MDM1: variants seen among roughly 807,000 people sequenced by gnomAD.
MDM1 encodes Mdm1 nuclear protein.
Under a neutral mutation model 89.1 loss-of-function variants are expected in MDM1, and 61 were observed. The ratio of observed to expected loss-of-function variants is 0.68; its 90% CI spans 0.56 to 0.85. The LOEUF (loss-of-function observed/expected upper bound fraction) is 0.85. Among genes scored for constraint, MDM1 ranks in the 40% least tolerant of loss-of-function variants. The pLI is 0.00. For missense variants in MDM1, 820 were observed against 846.5 expected (o/e 0.97, Z 0.39); for synonymous variants, 290 against 294.1 (o/e 0.99, Z 0.14).
At chr12:68,320,341 G>C (rs1875049835) in intron 7 of MDM1, among the ~76,000 whole-genome samples, 1 of 152,182 alleles carries the variant, frequency 6.6e-6, no homozygotes, top group Non-Finnish European at 1.5e-5. Flanking sequence ...TTTGAGCTTT[G>C]TCTTTTACTT....
intron 12 of MDM1, among the ~76,000 whole-genome samples, chr12:68,303,177 A>T (rs1872452093): frequency 1.3e-5 from 2 of 152,188 alleles, no homozygotes; most frequent in African/African-American, 4.8e-5. Context: ...GAAAAATATA[A>T]ACCTAATTAA....
intron 12 of MDM1, among the ~76,000 whole-genome samples, chr12:68,313,175 G>A (rs1370796611): frequency 6.6e-6 from 1 of 152,150 alleles, no homozygotes; most frequent in Non-Finnish European, 1.5e-5. Context: ...GAATACAACT[G>A]TCACACAGCA....
Position 68,326,400 on chromosome 12 carries a change from G to T in MDM1, c.498+257C>A, listed in dbSNP as rs995761992. On this transcript the variant is annotated intron_variant, in intron 3 of 14. Coordinates refer to ENST00000682720, the MANE Select transcript of MDM1 (RefSeq NM_001354969.2). ...TAGGACTCAGGTGCTAATATATGAT[G>T]AATAAAATCCAGACGCAGGAGGTCC... The T allele has an allele frequency of 2.8e-6, 4 of 1,444,698 alleles. No homozygotes were observed. In the South Asian group the frequency reaches 4.6e-5, roughly 17 times the overall value. The allele number at this position is 1,444,698 out of a possible 1,614,324, so 89.5% of individuals were successfully genotyped here.
chr12:68,315,293 A>C, intron 9 of MDM1, 28 bp from the exon 10 acceptor site: 1 of 1,586,448 alleles, frequency 6.3e-7, no homozygotes, highest in Non-Finnish European at 8.6e-7. Flanking sequence ...TTTTATTTTA[A>C]ATGTGAATAG....
intron 7 of MDM1, among the ~76,000 whole-genome samples, chr12:68,320,052 T>G (rs1875010070): frequency 6.6e-6 from 1 of 152,202 alleles, no homozygotes; most frequent in Non-Finnish European, 1.5e-5. Context: ...TCTCATAACC[T>G]CAACCTAGTG....
chr12:68,310,055 C>T (rs1314541382), intron 12 of MDM1, among the ~76,000 whole-genome samples: 1 of 152,236 alleles, frequency 6.6e-6, no homozygotes, highest in African/African-American at 2.4e-5. Context: ...ACTCCAACCT[C>T]CACCTCCTGG....
intron 4 of MDM1, 155 bp downstream of exon 4, chr12:68,325,286 A>G: frequency 2.3e-6 from 3 of 1,330,050 alleles, no homozygotes; most frequent in Non-Finnish European, 2.9e-6. Context: ...ATCATAAGTA[A>G]TAGGATGATT....
In MDM1 at chr12:68,296,985, TAA is replaced by T. The variant is rs748277745; in HGVS notation, c.2003-5_2003-4del. Reference sequence around the variant, plus strand: ...ATTGTTCATCCTTGCTTTTCCCACTTAAAAAAAAAAAGGCAGAATAAATTATC... The same window carrying T: ...ATTGTTCATCCTTGCTTTTCCCACTTAAAAAAAAAGGCAGAATAAATTATC... On this transcript the variant is annotated splice_region_variant and splice_polypyrimidine_tract_variant and intron_variant, in intron 13 of 14. Transcript: ENST00000682720. The T allele has an allele frequency of 2.1e-4, 267 of 1,248,080 alleles. No homozygotes were observed. Among genetic ancestry groups the T allele is most frequent in the Admixed American group, 7.0e-4 (32 of 45,630 alleles). The allele number at this position is 1,248,080 out of a possible 1,614,324, so 77.3% of individuals were successfully genotyped here.
intron 12 of MDM1, among the ~76,000 whole-genome samples, chr12:68,312,355 T>A (rs1873810539): frequency 6.6e-6 from 1 of 152,216 alleles, no homozygotes; most frequent in South Asian, 2.1e-4. Context: ...GACTCCATCC[T>A]TATTGCTAAG....
intron 12 of MDM1, among the ~76,000 whole-genome samples, chr12:68,311,247 T>C (rs954772606): frequency 3.3e-5 from 5 of 152,144 alleles, no homozygotes; most frequent in Admixed American, 2.0e-4. Flanking sequence ...CACACAACCC[T>C]TCCTGACTGG....
At chr12:68,297,348 CAT>C (rs1436294742) in intron 13 of MDM1, among the ~76,000 whole-genome samples, 2 of 152,132 alleles carry the variant, frequency 1.3e-5, no homozygotes, top group African/African-American at 4.8e-5. Flanking sequence ...AGAACAAACT[CAT>C]AGGACAAAGA....
chr12:68,326,082 A>T (rs557562632), intron 3 of MDM1: 1 of 1,000,964 alleles, frequency 1.0e-6, no homozygotes, highest in African/African-American at 1.7e-5. Flanking sequence ...GCAGTGGAAC[A>T]GAATGGAGAA....
At chr12:68,299,059 G>T (rs140004160) in intron 13 of MDM1, among the ~76,000 whole-genome samples, 1 of 151,598 alleles carries the variant, frequency 6.6e-6, no homozygotes, top group African/African-American at 2.4e-5. Context: ...AAAGCACCAA[G>T]AACCAAATTA....
Position 68,295,183 on chromosome 12 carries a change from A to T in MDM1, c.*71T>A. 1.0e-6 allele frequency: 1 copy of T among 974,200 alleles called. No individual in the cohort carries two copies. Among genetic ancestry groups the T allele is most frequent in the South Asian group, 1.6e-5 (1 of 64,322 alleles). The allele number at this position is 974,200 out of a possible 1,614,324, so 60.3% of individuals were successfully genotyped here. ...ACGTTAGGAAAAACTTCACTCAAAA[A>T]ATTTTAACACAGTAAGCAATAAAGA... On this transcript the variant is annotated 3_prime_UTR_variant, in exon 15 of 15. Transcript: ENST00000682720.
In MDM1 at chr12:68,315,959, G is replaced by A. The variant is rs952439000; in HGVS notation, c.1211+119C>T. ...GAGAATAAAAATGAAATAAATGGCT[G>A]CCACAATTCCATTCGACTAGGAGAC... On this transcript the variant is annotated intron_variant, in intron 9 of 14. Coordinates refer to ENST00000682720, the MANE Select transcript of MDM1 (RefSeq NM_001354969.2). The A allele has an allele frequency of 9.6e-6, 7 of 729,324 alleles. No homozygotes were observed. In the South Asian group the frequency reaches 2.4e-4, roughly 25 times the overall value. The allele number at this position is 729,324 out of a possible 1,614,324, so 45.2% of individuals were successfully genotyped here. A position where few individuals can be genotyped will look rare whatever the true frequency, so the allele number is the denominator to read the frequency against.
intron 12 of MDM1, among the ~76,000 whole-genome samples, chr12:68,305,282 G>A (rs749686281): frequency 3.9e-4 from 60 of 152,130 alleles, no homozygotes; most frequent in Non-Finnish European, 2.9e-4. Context: ...AATAATAAGA[G>A]CCATCTATGA....
At chr12:68,299,739 G>C (rs1337079366) in intron 13 of MDM1, among the ~76,000 whole-genome samples, 1 of 152,128 alleles carries the variant, frequency 6.6e-6, no homozygotes, top group Admixed American at 6.5e-5. Context: ...AGAAGAAAAG[G>C]CTAAAAGTTT....
chr12:68,313,784 C>G, intron 10 of MDM1, 31 bp from the exon 11 acceptor site: 3 of 1,471,470 alleles, frequency 2.0e-6, no homozygotes, highest in Non-Finnish European at 2.8e-6. Context: ...TGAATCTATA[C>G]AGCATTTCCT....
chr12:68,312,416 C>T (rs1873819240), intron 12 of MDM1, among the ~76,000 whole-genome samples: 1 of 152,190 alleles, frequency 6.6e-6, no homozygotes, highest in African/African-American at 2.4e-5. Context: ...CACCCCAGAT[C>T]TTATCCATCA....
Sources: gnomAD v4.1 joint callset for allele counts (sites outside exome capture counted in the v4.1 genomes callset) on GRCh38, gnomAD v4.1.1 for gene constraint, MANE v1.5 for transcripts, NCBI Gene and HGNC (gene_info 2026-07-23, HGNC 2026-07-21) for gene names.